The following TENM3 variants were observed in gnomAD, a reference collection of about 807,000 sequenced individuals.
TENM3 encodes the protein teneurin transmembrane protein 3, also known as teneurin-3.
TENM3 carries 63 observed loss-of-function variants against 255.1 expected under a neutral mutation model. The observed-to-expected ratio is 0.25, with a 90% CI of 0.20 to 0.30. The LOEUF (loss-of-function observed/expected upper bound fraction) is 0.30, where lower values mean the gene tolerates loss of function less well. Ranked by LOEUF, TENM3 falls within the 10% of genes least tolerant of loss-of-function variation. The pLI is 1.00. For missense variants in TENM3, 2,929 were observed against 3,461.1 expected (o/e 0.85, Z 3.86); for synonymous variants, 1,306 against 1,322.3 (o/e 0.99, Z 0.27).
intron 1 of TENM3, among the ~76,000 whole-genome samples, chr4:182,305,967 C>A (rs1762108051): frequency 1.3e-5 from 2 of 152,046 alleles, no homozygotes; most frequent in Admixed American, 6.6e-5. Context: ...GTGACCCTAG[C>A]CATCTGGGAA....
chr4:181,702,559 A>C, the TENM3 span, among the ~76,000 whole-genome samples: 1 of 152,210 alleles, frequency 6.6e-6, no homozygotes, highest in Admixed American at 6.5e-5. Context: ...TTTTTTGTAA[A>C]AAACAAATGG....
At chr4:181,470,108 T>C in the TENM3 span, among the ~76,000 whole-genome samples, 1 of 112,746 alleles carries the variant, frequency 8.9e-6, no homozygotes, top group Non-Finnish European at 1.9e-5. Context: ...ATAGCTTCTG[T>C]AAAAAAAAAA....
chr4:182,349,451 T>A (rs1241998396), intron 3 of TENM3, among the ~76,000 whole-genome samples: 3 of 152,238 alleles, frequency 2.0e-5, no homozygotes, highest in African/African-American at 7.2e-5. Flanking sequence ...TACATTAAGA[T>A]ATAGGGAAGC....
chr4:181,977,068 T>G, the TENM3 span, among the ~76,000 whole-genome samples: 1 of 152,184 alleles, frequency 6.6e-6, no homozygotes, highest in Non-Finnish European at 1.5e-5. Context: ...AGCGTGGCGT[T>G]GTACTTAGCA....
At chr4:182,115,614 A>G in the TENM3 span, among the ~76,000 whole-genome samples, 1 of 152,216 alleles carries the variant, frequency 6.6e-6, no homozygotes, top group Non-Finnish European at 1.5e-5. Context: ...ATAATTTCAG[A>G]GGATATCTAG....
At chr4:181,688,425 C>T in the TENM3 span, among the ~76,000 whole-genome samples, 1 of 152,106 alleles carries the variant, frequency 6.6e-6, no homozygotes, top group East Asian at 1.9e-4. Flanking sequence ...TAAGTCGTAT[C>T]TTCAAACTCA....
chr4:182,674,928 G>C (rs1000871345), intron 7 of TENM3, among the ~76,000 whole-genome samples: 3 of 151,794 alleles, frequency 2.0e-5, no homozygotes, highest in Admixed American at 1.3e-4. Flanking sequence ...CCAGGCTGGA[G>C]TGCGATGGCA....
At chr4:182,565,541 C>T (rs1041530894) in intron 3 of TENM3, among the ~76,000 whole-genome samples, 6 of 152,110 alleles carry the variant, frequency 3.9e-5, no homozygotes, top group African/African-American at 1.4e-4. Context: ...CCAAGTACCT[C>T]CAGGAATGAC....
the TENM3 span, among the ~76,000 whole-genome samples, chr4:181,483,135 G>A: frequency 6.6e-6 from 1 of 152,132 alleles, no homozygotes; most frequent in South Asian, 2.1e-4. Flanking sequence ...TCTACTGGAA[G>A]AACTTAATAT....
At chr4:182,650,520 G>C (rs915504228) in intron 5 of TENM3, among the ~76,000 whole-genome samples, 21 of 149,794 alleles carry the variant, frequency 1.4e-4, no homozygotes, top group African/African-American at 5.1e-4. Flanking sequence ...ACCCCATTTA[G>C]TTTTATTACA....
At chr4:182,272,167 G>T (rs539177099) in intron 1 of TENM3, among the ~76,000 whole-genome samples, 1 of 152,150 alleles carries the variant, frequency 6.6e-6, no homozygotes, top group Non-Finnish European at 1.5e-5. Context: ...CAAAGGTTCC[G>T]TAGACTGAAA....
At chr4:182,479,343 AACTT>A (rs1174425977) in intron 3 of TENM3, among the ~76,000 whole-genome samples, 1 of 151,874 alleles carries the variant, frequency 6.6e-6, no homozygotes, top group Non-Finnish European at 1.5e-5. Context: ...TTTTTATATT[AACTT>A]ACCTTTTTAT....
At chr4:181,700,396 G>T in the TENM3 span, among the ~76,000 whole-genome samples, 1 of 152,084 alleles carries the variant, frequency 6.6e-6, no homozygotes, top group East Asian at 1.9e-4. Context: ...ATCCAAAAAA[G>T]AATCCATCTG....
At chr4:182,038,983 C>T in the TENM3 span, among the ~76,000 whole-genome samples, 131,484 of 152,014 alleles carry the variant, frequency 0.86, 57,236 homozygotes, top group Admixed American at 0.92. Context: ...TCCACCCGCC[C>T]CGGCCTTCCA....
intron 3 of TENM3, among the ~76,000 whole-genome samples, chr4:182,450,815 C>T (rs1156435331): frequency 6.6e-6 from 1 of 152,170 alleles, no homozygotes; most frequent in Non-Finnish European, 1.5e-5. Flanking sequence ...AAGAGCGTTA[C>T]CTTCCTTCTT....
chr4:182,277,653 G>T (rs967305591), intron 1 of TENM3, among the ~76,000 whole-genome samples: 6 of 152,192 alleles, frequency 3.9e-5, no homozygotes, highest in Non-Finnish European at 7.3e-5. Context: ...AAGCAGTACG[G>T]CGTTGCCTTA....
At chr4:182,653,647 C>T in intron 5 of TENM3, 124 bp from the exon 6 acceptor site, 1 of 1,064,696 alleles carries the variant, frequency 9.4e-7, no homozygotes, top group Non-Finnish European at 1.3e-6. Context: ...GCGCAGTTAT[C>T]CTTGGTATTT....
At chr4:182,095,847 C>A in the TENM3 span, among the ~76,000 whole-genome samples, 2 of 151,524 alleles carry the variant, frequency 1.3e-5, no homozygotes, top group African/African-American at 4.9e-5. Context: ...ATATGTATAA[C>A]TATTATATGT....
In TENM3 at chr4:182,601,060, G is replaced by A. The variant is rs369437275; in HGVS notation, c.648G>A (p.Pro216=). The A allele has an allele frequency of 8.7e-6, 14 of 1,613,716 alleles. No individual in the cohort carries two copies. The highest frequency in any genetic ancestry group is 2.2e-5 in the East Asian group (1 of 44,858). ...TGACCAATAGAAGGAACCAGAGTCC[G>A]GCCCCGCCGGCTGCTTTGCCCGCCG... The part of the protein sequence containing the change: ...NSLTNRRNQS[P]APPAALPAEL... Residue 216 remains proline (P), a synonymous_variant, in exon 4 of 28, where the codon CCG becomes CCA. Coordinates refer to ENST00000511685, the MANE Select transcript of TENM3 (RefSeq NM_001080477.4).
Sources: gnomAD v4.1 joint callset for allele counts (sites outside exome capture counted in the v4.1 genomes callset) on GRCh38, gnomAD v4.1.1 for gene constraint, MANE v1.5 for transcripts, NCBI Gene and HGNC (gene_info 2026-07-23, HGNC 2026-07-21) for gene names.